ABCA8: variants seen among roughly 807,000 people sequenced by gnomAD.
ABCA8 encodes the protein ATP binding cassette subfamily A member 8.
A neutral mutation model predicts 192.3 loss-of-function variants in ABCA8; 177 were observed. The observed-to-expected ratio is 0.92, with a 90% CI of 0.81 to 1.04. ABCA8 has a LOEUF of 1.04. Ranked by LOEUF, ABCA8 falls within the 50% of genes least tolerant of loss-of-function variation. ABCA8 has a pLI of 0.00. For synonymous variants in ABCA8, 642 were observed against 690.2 expected (o/e 0.93, Z 1.09); for missense variants, 1,915 against 1,904.8 (o/e 1.01, Z -0.10).
chr17:68,868,240 T>C, intron 39 of ABCA8, 57 bp from the exon 40 acceptor site: 1 of 1,605,946 alleles, frequency 6.2e-7, no homozygotes, highest in Non-Finnish European at 8.5e-7. Flanking sequence ...CCTCTGCAGC[T>C]CCCAGGGAAT....
At chr17:68,907,582 A>C (rs1252813419) in intron 18 of ABCA8, among the ~76,000 whole-genome samples, 158 bp downstream of exon 18, 1 of 152,158 alleles carries the variant, frequency 6.6e-6, no homozygotes, top group Admixed American at 6.5e-5. Flanking sequence ...ATTTCCCACT[A>C]TACAGAAAAT....
intron 32 of ABCA8, chr17:68,877,996 A>G (rs2066250676): frequency 4.3e-6 from 1 of 230,948 alleles, no homozygotes; most frequent in Non-Finnish European, 8.3e-6. Flanking sequence ...TGATTGAATT[A>G]CTATTTAACT....
At chr17:68,899,692 G>A (rs1157732234) in intron 21 of ABCA8, among the ~76,000 whole-genome samples, 2 of 152,070 alleles carry the variant, frequency 1.3e-5, no homozygotes, top group Non-Finnish European at 2.9e-5. Flanking sequence ...TCCAAGATGA[G>A]CTAAAGGCAA....
In ABCA8 at chr17:68,903,362, A is replaced by T. The variant is rs1292474714; in HGVS notation, c.2536T>A (p.Cys846Ser). 6.2e-7 allele frequency: 1 copy of T among 1,614,082 alleles called. No individual in the cohort carries two copies. Among genetic ancestry groups the T allele is most frequent in the East Asian group, 2.2e-5 (1 of 44,892 alleles). ...GGVALWRQQI[C>S]AIARVRLLKL... ...AACAAGCGAACCCTTGCAATTGCGC[A>T]GATTTGCTGTCGCCAGAGAGCCACA... is the stretch of plus-strand genomic sequence containing the variant. The change falls in exon 20 of 40, where the codon TGC (cysteine) becomes AGC (serine). Residue 846 changes from cysteine (C) to serine (S), a missense_variant. Cys to Ser is a moderately radical substitution (Grantham distance 112). Coordinates refer to ENST00000586539, the MANE Select transcript of ABCA8 (RefSeq NM_001288985.2).
chr17:68,923,425 C>T (rs1415578001), intron 11 of ABCA8, among the ~76,000 whole-genome samples: 2 of 152,192 alleles, frequency 1.3e-5, no homozygotes, highest in East Asian at 3.9e-4. Context: ...GTCTCAAACT[C>T]CTGAGCTGAA....
chr17:68,922,454 G>A (rs1450294493), intron 11 of ABCA8, among the ~76,000 whole-genome samples, 154 bp from the exon 12 acceptor site: 2 of 151,896 alleles, frequency 1.3e-5, no homozygotes, highest in Non-Finnish European at 2.9e-5. Context: ...GAATCAGCTA[G>A]AATACCGCTT....
rs1746062250 is a variant in ABCA8, at chr17:68,933,385, AT to A, written c.467-115del. 8 of 639,724 alleles carry A rather than the reference AT, an allele frequency of 1.3e-5. No homozygotes were observed. In the South Asian group the frequency reaches 1.8e-4, roughly 14 times the overall value. 39.6% of individuals were successfully genotyped at this position (639,724 alleles called of 1,614,324 possible). ...ACTTTACAATGACCCCAAATTCCAA[AT>A]GTTCTTATTTTGACTCAAAGCTTAT... is the stretch of plus-strand genomic sequence containing the variant. On this transcript the variant is annotated intron_variant, in intron 5 of 39. Coordinates refer to ENST00000586539, the MANE Select transcript of ABCA8 (RefSeq NM_001288985.2).
chr17:68,898,117 A>G (rs1028621862), intron 21 of ABCA8, among the ~76,000 whole-genome samples: 2 of 152,190 alleles, frequency 1.3e-5, no homozygotes, highest in African/African-American at 4.8e-5. Context: ...AAACACCAAT[A>G]AGAACCCAGC....
chr17:68,884,939 A>G (rs767844479), intron 27 of ABCA8: 34 of 775,270 alleles, frequency 4.4e-5, no homozygotes, highest in Non-Finnish European at 5.3e-5. Context: ...ATAAGGCCCC[A>G]CATGAGTATA....
chr17:68,923,352 A>C (rs973057119), intron 11 of ABCA8, among the ~76,000 whole-genome samples: 1 of 151,950 alleles, frequency 6.6e-6, no homozygotes, highest in African/African-American at 2.4e-5. Context: ...GACGTGTAGC[A>C]CCATGCTTGG....
intron 10 of ABCA8, among the ~76,000 whole-genome samples, chr17:68,926,978 G>A (rs749565008): frequency 2.0e-5 from 3 of 152,166 alleles, no homozygotes; most frequent in Non-Finnish European, 4.4e-5. Context: ...GAAGCAAGCC[G>A]GGCACTGTGG....
intron 23 of ABCA8, 107 bp from the exon 24 acceptor site, chr17:68,891,703 T>G: frequency 1.3e-6 from 1 of 781,486 alleles, no homozygotes. Flanking sequence ...CTGCCTTAGG[T>G]CCCTTTTGAG....
chr17:68,921,508 GA>G lies in ABCA8; in HGVS notation c.1502-17del. ...AATACCAGATCTAGGAAGAAAAAAAGAAAGGAAAGAAAGATAAGATAAAGGG... is the reference window on the plus strand; with the variant it reads ...AATACCAGATCTAGGAAGAAAAAAAGAAGGAAAGAAAGATAAGATAAAGGG... On this transcript the variant is annotated splice_polypyrimidine_tract_variant and intron_variant, in intron 12 of 39. Coordinates refer to ENST00000586539, the MANE Select transcript of ABCA8 (RefSeq NM_001288985.2). 6.6e-7 allele frequency: 1 copy of G among 1,509,452 alleles called. No individual in the cohort carries two copies. Among genetic ancestry groups the G allele is most frequent in the African/African-American group, 1.4e-5 (1 of 72,498 alleles). 93.5% of individuals were successfully genotyped at this position (1,509,452 alleles called of 1,614,324 possible).
At chr17:68,888,671 C>A (rs188954986) in intron 24 of ABCA8, among the ~76,000 whole-genome samples, 1 of 152,260 alleles carries the variant, frequency 6.6e-6, no homozygotes, top group Non-Finnish European at 1.5e-5. Flanking sequence ...ACATTCAGTT[C>A]AGTTTTGGAA....
chr17:68,883,676 C>G, intron 29 of ABCA8, 115 bp downstream of exon 29: 1 of 645,376 alleles, frequency 1.5e-6, no homozygotes, highest in Non-Finnish European at 2.7e-6. Context: ...CACATGGTTC[C>G]TACTCCAGCC....
At chr17:68,938,440 A>G (rs1007307300) in intron 4 of ABCA8, among the ~76,000 whole-genome samples, 3 of 152,128 alleles carry the variant, frequency 2.0e-5, no homozygotes, top group Non-Finnish European at 4.4e-5. Context: ...GAAAGGAAAA[A>G]AAGAGGTTAT....
In ABCA8 at chr17:68,867,865, C is replaced by T. The variant is rs1031382470; in HGVS notation, c.*220G>A. Reference sequence around the variant, plus strand: ...TACAGAACAATGGAACCAGTATGGCCTGCAGAGATACAGAGGCTGTGAGAG... The same window carrying T: ...TACAGAACAATGGAACCAGTATGGCTTGCAGAGATACAGAGGCTGTGAGAG... On this transcript the variant is annotated 3_prime_UTR_variant, in exon 40 of 40. Coordinates refer to ENST00000586539, the MANE Select transcript of ABCA8 (RefSeq NM_001288985.2). 5.5e-5 allele frequency: 27 copies of T among 488,540 alleles called. No individual in the cohort carries two copies. Among genetic ancestry groups the T allele is most frequent in the Middle Eastern group, 5.2e-4 (1 of 1,914 alleles). 30.3% of individuals were successfully genotyped at this position (488,540 alleles called of 1,614,324 possible).
Position 68,883,791 on chromosome 17 carries a change from C to T in ABCA8, c.3707G>A (p.Arg1236Lys). The T allele has an allele frequency of 1.9e-6, 3 of 1,560,036 alleles. No individual in the cohort carries two copies. Among genetic ancestry groups the T allele is most frequent in the Non-Finnish European group, 2.6e-6 (3 of 1,151,508 alleles). Residue 1236 changes from arginine (R) to lysine (K), a missense_variant and splice_region_variant, in exon 29 of 40, where the codon AGA (arginine) becomes AAA (lysine). Coordinates refer to ENST00000586539, the MANE Select transcript of ABCA8 (RefSeq NM_001288985.2). ...AAAAATCTGATGTGTTTTTTCCAAC[C>T]TAAAGAAAGGATCCTTTCTCATTGA... ...KKSMRKDPFF[R>K]ISPRSSDVCQ... is the part of the protein sequence containing the mutation.
chr17:68,904,583 G>A (rs959033897), intron 19 of ABCA8, among the ~76,000 whole-genome samples: 6 of 152,106 alleles, frequency 3.9e-5, no homozygotes, highest in African/African-American at 1.4e-4. Flanking sequence ...TGAAAAGAAA[G>A]CAGCCCAGAT....
Sources: allele counts gnomAD v4.1 joint callset (sites outside exome capture counted in the v4.1 genomes callset), GRCh38; gene constraint gnomAD v4.1.1; transcripts MANE v1.5; gene names NCBI Gene and HGNC (gene_info 2026-07-23, HGNC 2026-07-21).